ZNF708: variants seen among roughly 807,000 people sequenced by gnomAD.
The protein encoded by ZNF708 is zinc finger protein 708, also known as ZNF15, ZNF15L1.
Under a neutral mutation model 47.0 loss-of-function variants are expected in ZNF708, and 44 were observed. That is an observed-to-expected ratio of 0.94 (90% CI 0.74 to 1.20). ZNF708 has a LOEUF of 1.20. Ranked by LOEUF, ZNF708 falls within the 50% of genes most tolerant of loss-of-function variation. ZNF708 has a pLI of 0.00. For synonymous variants in ZNF708, 184 were observed against 218.5 expected, an observed-to-expected ratio of 0.84 and a Z score of 1.39; for missense variants, 557 against 656.0, an observed-to-expected ratio of 0.85 and a Z score of 1.65.
chr19:21,300,553 G>C (rs201527981), intron 3 of ZNF708, among the ~76,000 whole-genome samples: 2 of 95,390 alleles, frequency 2.1e-5, no homozygotes, highest in Non-Finnish European at 4.5e-5. Flanking sequence ...CAAGCAAACA[G>C]AGATAATTAT....
rs186612743 is a variant in ZNF708 at position 21,308,451 on chromosome 19, G to T, written c.226+795C>A. 1.4e-3 allele frequency among the ~76,000 whole-genome samples: 219 copies of T among 152,112 alleles called. 1 individual carries two copies. The highest frequency in any genetic ancestry group is 5.0e-3 in the African/African-American group (207 of 41,514). ...TGCACCACCACACCTGGCTAATTTT[G>T]TATTTTTAGTGGACACGGTATTTCA... is the stretch of plus-strand genomic sequence containing the variant. On this transcript the variant is annotated intron_variant, in intron 3 of 3. Transcript: ENST00000356929.
At chr19:21,309,625 T>A (rs1490627293) in intron 2 of ZNF708, among the ~76,000 whole-genome samples, 1 of 151,978 alleles carries the variant, frequency 6.6e-6, no homozygotes, top group African/African-American at 2.4e-5. Context: ...GGAGAATCAC[T>A]AGAACCCAGG....
chr19:21,311,267 TATG>T (rs1397723817), intron 1 of ZNF708, among the ~76,000 whole-genome samples: 2 of 152,226 alleles, frequency 1.3e-5, no homozygotes, highest in South Asian at 4.1e-4. Context: ...CCAGATAAAA[TATG>T]ATGATTTATG....
chr19:21,297,270 ATTTTTTTTTTTTT>A lies in ZNF708; in HGVS notation c.227-2544_227-2532del, dbSNP rs1157234305. 3.5e-3 allele frequency among the ~76,000 whole-genome samples: 165 copies of A among 46,640 alleles called. No homozygotes were observed. The Middle Eastern group carries it at 0.058, about 16-fold the overall frequency. 30.6% of individuals were successfully genotyped at this position (46,640 alleles called of 152,430 possible). ...TATATATATATATATATATATATAT[ATTTTTTTTTTTTT>A]TTTTTTTTTTTTTTTTCAGATGGAG... On this transcript the variant is annotated intron_variant, in intron 3 of 3. Coordinates refer to ENST00000356929, the MANE Select transcript of ZNF708 (RefSeq NM_021269.3).
At chr19:21,312,247 A>G (rs1290833969) in intron 1 of ZNF708, among the ~76,000 whole-genome samples, 1 of 151,886 alleles carries the variant, frequency 6.6e-6, no homozygotes, top group Non-Finnish European at 1.5e-5. Context: ...GTGAGCTGAG[A>G]TCGCGCCACT....
intron 3 of ZNF708, among the ~76,000 whole-genome samples, chr19:21,295,044 G>A (rs2968067): frequency 7.9e-5 from 12 of 152,220 alleles, no homozygotes; most frequent in African/African-American, 2.6e-4. Context: ...ATAACATAGC[G>A]CCTTCAGAAG....
chr19:21,302,211 A>C (rs1305635589), intron 3 of ZNF708, among the ~76,000 whole-genome samples: 4 of 152,214 alleles, frequency 2.6e-5, no homozygotes, highest in Non-Finnish European at 5.9e-5. Flanking sequence ...ATATACAGAC[A>C]CATATAGAAT....
chr19:21,327,879 T>G, intron 1 of ZNF708: 1 of 476,246 alleles, frequency 2.1e-6, no homozygotes. Flanking sequence ...AGGGGTTAGC[T>G]TTTCAAAGGA....
At chr19:21,301,978 T>C (rs1972669341) in intron 3 of ZNF708, among the ~76,000 whole-genome samples, 1 of 152,172 alleles carries the variant, frequency 6.6e-6, no homozygotes, top group Admixed American at 6.5e-5. Flanking sequence ...TACTACATGG[T>C]GTCCAGGCAC....
At chr19:21,324,933 T>C (rs1973226225) in intron 1 of ZNF708, among the ~76,000 whole-genome samples, 1 of 152,206 alleles carries the variant, frequency 6.6e-6, no homozygotes, top group Non-Finnish European at 1.5e-5. Context: ...GAAAATGTAC[T>C]CATTTTCTAC....
At position 21,293,022 on chromosome 19, in the gene ZNF708, G is replaced by T; in HGVS notation, c.*252C>A. On this transcript the variant is annotated 3_prime_UTR_variant, in exon 4 of 4. Transcript: ENST00000356929. ...GAGGTGTTGTCAGAATTACTGTGAT[G>T]TCTTCCAGCTTTGTAGTTTCTCTCC... The T allele has an allele frequency of 2.3e-6, 1 of 429,480 alleles. No homozygotes were observed. The highest frequency in any genetic ancestry group is 4.2e-6 in the Non-Finnish European group (1 of 238,936). 26.6% of individuals were successfully genotyped at this position (429,480 alleles called of 1,614,324 possible). A position where few individuals can be genotyped will look rare whatever the true frequency, so the allele number is the denominator to read the frequency against.
intron 1 of ZNF708, among the ~76,000 whole-genome samples, chr19:21,320,045 G>A (rs368199435): frequency 9.9e-5 from 15 of 152,116 alleles, no homozygotes; most frequent in African/African-American, 3.4e-4. Context: ...GTGTGGTAGC[G>A]GGCACCTGTA....
At chr19:21,302,528 T>A (rs969186384) in intron 3 of ZNF708, among the ~76,000 whole-genome samples, 1 of 151,780 alleles carries the variant, frequency 6.6e-6, no homozygotes, top group African/African-American at 2.4e-5. Context: ...CAAAAACCCA[T>A]CTCTACTAAA....
rs1363182637 is a variant in ZNF708, at chr19:21,293,740, T to C, written c.1226A>G (p.Tyr409Cys). 3 of 1,613,420 alleles carry C rather than the reference T, an allele frequency of 1.9e-6. No individual in the cohort carries two copies. Among genetic ancestry groups the C allele is most frequent in the Non-Finnish European group, 2.5e-6 (3 of 1,179,778 alleles). The change falls in exon 4 of 4, where the codon TAT becomes TGT. Residue 409 changes from tyrosine (Y) to cysteine (C), a missense_variant. By Grantham distance (194) the Tyr-to-Cys change is radical (BLOSUM62 -2). Transcript: ENST00000356929. Reference sequence around the variant, plus strand: ...CTTTCCAGTATGAATTACCTTATGATAAGTAAGAGTTGAGGACTTGGTAAA... The same window carrying C: ...CTTTCCAGTATGAATTACCTTATGACAAGTAAGAGTTGAGGACTTGGTAAA... The part of the protein sequence containing the change: ...KAFTKSSTLT[Y>C]HKVIHTGKKP...
intron 1 of ZNF708, among the ~76,000 whole-genome samples, chr19:21,316,511 G>A (rs911078191): frequency 6.6e-6 from 1 of 152,092 alleles, no homozygotes; most frequent in African/African-American, 2.4e-5. Context: ...AGTAGCAGCA[G>A]GTATTACTTG....
intron 3 of ZNF708, among the ~76,000 whole-genome samples, chr19:21,305,988 A>G (rs1399691919): frequency 6.6e-6 from 1 of 152,222 alleles, no homozygotes; most frequent in Admixed American, 6.5e-5. Context: ...TAAAGAAAAG[A>G]TATTCTCTTC....
rs377473917 is a variant in ZNF708 at position 21,293,536 on chromosome 19, T to A, written c.1430A>T (p.Lys477Met). ...KKIHTGEKPY[K>M]CEECGKSFIL... ...AAAGCTTTTGCCACATTCTTCACAC[T>A]TATAGGGTTTCTCTCCAGTATGAAT... Residue 477 changes from lysine (K) to methionine (M), a missense_variant, in exon 4 of 4, where the codon AAG becomes ATG. Lys to Met is a moderately conservative substitution (Grantham distance 95, BLOSUM62 -1). Coordinates refer to ENST00000356929, the MANE Select transcript of ZNF708 (RefSeq NM_021269.3). 1.9e-6 allele frequency: 3 copies of A among 1,613,260 alleles called. No homozygotes were observed. The African/African-American group carries it at 4.0e-5, about 22-fold the overall frequency.
intron 1 of ZNF708, among the ~76,000 whole-genome samples, chr19:21,311,641 C>CACCTGTTT (rs1427371115): frequency 6.6e-6 from 1 of 151,988 alleles, no homozygotes; most frequent in Non-Finnish European, 1.5e-5. Flanking sequence ...GTGTCAGCAC[C>CACCTGTTT]ACCTGTTTAC....
At chr19:21,295,759 T>C (rs1972515569) in intron 3 of ZNF708, among the ~76,000 whole-genome samples, 3 of 151,714 alleles carry the variant, frequency 2.0e-5, no homozygotes, top group Admixed American at 2.0e-4. Flanking sequence ...AAAAAAAGAT[T>C]GTGACAGGTA....
Sources: allele counts gnomAD v4.1 joint callset (sites outside exome capture counted in the v4.1 genomes callset), GRCh38; gene constraint gnomAD v4.1.1; transcripts MANE v1.5; gene names NCBI Gene and HGNC (gene_info 2026-07-23, HGNC 2026-07-21).